Variants in TBC1D5 observed in about 807,000 individuals in gnomAD.
TBC1D5 encodes TBC1 domain family, member 5.
In TBC1D5, 75 loss-of-function variants were observed where a neutral mutation model predicts 100.3. The observed-to-expected ratio is 0.75, with a 90% confidence interval of 0.62 to 0.91. The LOEUF (loss-of-function observed/expected upper bound fraction) is 0.91, where lower values mean the gene tolerates loss of function less well. Among genes scored for constraint, TBC1D5 ranks in the 40% least tolerant of loss-of-function variants. The pLI, the probability that TBC1D5 is intolerant of heterozygous loss-of-function variation, is 0.00. For synonymous variants in TBC1D5, 323 were observed against 325.6 expected, an observed-to-expected ratio of 0.99 and a Z score of 0.09; for missense variants, 910 against 942.4, an observed-to-expected ratio of 0.97 and a Z score of 0.45.
intron 1 of TBC1D5, among the ~76,000 whole-genome samples, chr3:17,664,323 G>A (rs1577321038): frequency 1.3e-5 from 2 of 152,214 alleles, no homozygotes; most frequent in South Asian, 2.1e-4. Context: ...ACCCACCTCA[G>A]CCTCCCAAAG....
chr3:17,723,790 G>A (rs190978902), intron 1 of TBC1D5, among the ~76,000 whole-genome samples: 2 of 152,174 alleles, frequency 1.3e-5, no homozygotes, highest in Middle Eastern at 3.4e-3. Flanking sequence ...GGGGCTTGCA[G>A]TAAACAGTAA....
chr3:17,333,080 T>G (rs2087102654), intron 13 of TBC1D5: 1 of 152,168 alleles, frequency 6.6e-6, no homozygotes, highest in South Asian at 2.1e-4. Context: ...CAGGGGTGGG[T>G]GGTGTCACAT....
Position 17,236,511 on chromosome 3 carries a change from G to A in TBC1D5, c.1588+1652C>T, listed in dbSNP as rs141645712. On this transcript the variant is annotated intron_variant, in intron 17 of 21. Coordinates refer to ENST00000253692, the Ensembl canonical transcript of TBC1D5. ...GAGATTTTTTTTTTTTTTTGAGATG[G>A]AGTCTGGCTCTGTTGCCAGGCTGGA... Among the ~76,000 whole-genome samples the A allele has an allele frequency of 8.6e-3, 1,290 of 150,436 alleles. 17 individuals are homozygous for A. Among genetic ancestry groups the A allele is most frequent in the South Asian group, 0.021 (101 of 4,782 alleles).
At chr3:17,611,859 C>A (rs2061694033) in intron 2 of TBC1D5, among the ~76,000 whole-genome samples, 1 of 152,214 alleles carries the variant, frequency 6.6e-6, no homozygotes, top group Admixed American at 6.5e-5. Flanking sequence ...TCAAGTAGTT[C>A]TATCTTTTCT....
intron 19 of TBC1D5, among the ~76,000 whole-genome samples, chr3:17,168,100 G>C (rs980755586): frequency 2.6e-5 from 4 of 152,132 alleles, no homozygotes; most frequent in Non-Finnish European, 4.4e-5. Flanking sequence ...AGAGATCTGG[G>C]TACCTCTTGC....
intron 14 of TBC1D5, 145 bp downstream of exon 14, chr3:17,307,847 C>T (rs1040089368): frequency 2.0e-6 from 2 of 982,754 alleles, no homozygotes; most frequent in African/African-American, 3.4e-5. Context: ...TAGTATATTC[C>T]TTTGAAATTT....
intron 13 of TBC1D5, among the ~76,000 whole-genome samples, chr3:17,328,877 G>T (rs182054244): frequency 6.6e-6 from 1 of 151,954 alleles, no homozygotes; most frequent in South Asian, 2.1e-4. Flanking sequence ...TATATCTATC[G>T]GTCATTTGGT....
chr3:17,389,609 G>A (rs1559782435), intron 8 of TBC1D5, among the ~76,000 whole-genome samples: 1 of 152,116 alleles, frequency 6.6e-6, no homozygotes, highest in Non-Finnish European at 1.5e-5. Context: ...CCAGACAGGT[G>A]AATGAGCAAA....
intron 14 of TBC1D5, among the ~76,000 whole-genome samples, chr3:17,303,131 A>G (rs2083028904): frequency 6.6e-6 from 1 of 151,934 alleles, no homozygotes; most frequent in Non-Finnish European, 1.5e-5. Context: ...CTCTATCTCA[A>G]TCCTTTTCTC....
intron 3 of TBC1D5, 144 bp downstream of exon 3, chr3:17,508,324 CTGTACA>C: frequency 3.7e-6 from 2 of 545,072 alleles, no homozygotes; most frequent in Admixed American, 5.7e-5. Context: ...CAAGAGTGCT[CTGTACA>C]TATCCAGAAT....
At chr3:17,601,498 C>T (rs756799902) in intron 2 of TBC1D5, among the ~76,000 whole-genome samples, 2 of 152,052 alleles carry the variant, frequency 1.3e-5, no homozygotes, top group Non-Finnish European at 2.9e-5. Context: ...GCAACAAGAG[C>T]GAAACTCCGT....
At chr3:17,385,574 C>T (rs147073693) in intron 8 of TBC1D5, among the ~76,000 whole-genome samples, 52 of 151,956 alleles carry the variant, frequency 3.4e-4, no homozygotes, top group African/African-American at 1.1e-3. Context: ...ATCTGTGAAG[C>T]ATCTTTTTTT....
intron 3 of TBC1D5, among the ~76,000 whole-genome samples, chr3:17,481,228 G>A (rs192221738): frequency 1.5e-3 from 236 of 152,280 alleles, no homozygotes; most frequent in African/African-American, 5.5e-3. Context: ...AGGGCTGCCC[G>A]CCCCACCGAA....
chr3:17,717,669 T>A (rs992710730), intron 1 of TBC1D5, among the ~76,000 whole-genome samples: 12 of 152,202 alleles, frequency 7.9e-5, no homozygotes, highest in African/African-American at 2.9e-4. Context: ...GAGTTATTTA[T>A]AATCTAAGCC....
intron 16 of TBC1D5, 148 bp downstream of exon 16, chr3:17,258,358 A>G: frequency 5.3e-6 from 4 of 751,790 alleles, no homozygotes; most frequent in Non-Finnish European, 8.8e-6. Context: ...TATGCCTTTA[A>G]AATAACTTGG....
chr3:17,541,412 C>A, intron 2 of TBC1D5, among the ~76,000 whole-genome samples: 1 of 152,038 alleles, frequency 6.6e-6, no homozygotes, highest in East Asian at 1.9e-4. Context: ...ATAAGGCTTT[C>A]ACTTCCCTGG....
chr3:17,455,153 A>C (rs1193712860), intron 3 of TBC1D5, among the ~76,000 whole-genome samples: 2 of 146,544 alleles, frequency 1.4e-5, no homozygotes, highest in Admixed American at 6.8e-5. Context: ...CTAAGCCAAA[A>C]AAAAAAAAGT....
At chr3:17,516,281 T>G (rs1277265221) in intron 2 of TBC1D5, among the ~76,000 whole-genome samples, 2 of 152,186 alleles carry the variant, frequency 1.3e-5, no homozygotes, top group Non-Finnish European at 2.9e-5. Context: ...ACTTTTTTAT[T>G]AGAATAAGTT....
chr3:17,349,175 T>G (rs1431304571), intron 13 of TBC1D5, among the ~76,000 whole-genome samples: 2 of 152,186 alleles, frequency 1.3e-5, no homozygotes, highest in African/African-American at 2.4e-5. Flanking sequence ...ATGTTTTATT[T>G]TTGCTTCAAT....
Sources: gnomAD v4.1 joint callset for allele counts (sites outside exome capture counted in the v4.1 genomes callset) on GRCh38, gnomAD v4.1.1 for gene constraint, MANE v1.5 for transcripts, NCBI Gene and HGNC (gene_info 2026-07-23, HGNC 2026-07-21) for gene names.